Variants in GRAMD4 observed in about 807,000 individuals in gnomAD.
GRAMD4 encodes the protein GRAM domain containing 4.
In GRAMD4, 25 loss-of-function variants were observed where a neutral mutation model predicts 83.9. The observed-to-expected ratio is 0.30, with a 90% CI of 0.22 to 0.42. The LOEUF is 0.42. GRAMD4 is among the 10% of genes least tolerant of loss of function. GRAMD4 has a pLI of 1.00. For synonymous variants in GRAMD4, 336 were observed against 320.9 expected (o/e 1.05, Z -0.50); for missense variants, 593 against 788.7 (o/e 0.75, Z 2.97).
chr22:46,673,856 C>T, intron 15 of GRAMD4, 42 bp downstream of exon 15: 3 of 1,607,070 alleles, frequency 1.9e-6, no homozygotes, highest in Non-Finnish European at 2.5e-6. Context: ...AGCGCCGACA[C>T]AGACTGAAGG....
At chr22:46,630,944 C>G (rs1272834750) in intron 2 of GRAMD4, among the ~76,000 whole-genome samples, 1 of 149,686 alleles carries the variant, frequency 6.7e-6, no homozygotes, top group African/African-American at 2.4e-5. Context: ...GTGCCCTCAC[C>G]CCGGCCTCTG....
chr22:46,665,715 G>A lies in GRAMD4; in HGVS notation c.809+9G>A, dbSNP rs755884150. On this transcript the variant is annotated intron_variant, in intron 9 of 18. Transcript: ENST00000406902. ...AATTACCTCATCGCCAGGTAGGTGA[G>A]CCGGTTTGTTGCAGCTGCTTTATCC... 1 of 1,481,458 alleles carries A rather than the reference G, an allele frequency of 6.8e-7. No homozygotes were observed. The highest frequency in any genetic ancestry group is 1.1e-5 in the South Asian group (1 of 88,288). 91.8% of individuals were successfully genotyped at this position (1,481,458 alleles called of 1,614,324 possible).
chr22:46,663,719 T>C, intron 6 of GRAMD4, 119 bp from the exon 7 acceptor site: 1 of 950,148 alleles, frequency 1.1e-6, no homozygotes, highest in Non-Finnish European at 1.7e-6. Flanking sequence ...ACTCAAGGGG[T>C]CCCAGGCTGT....
At position 46,678,440 on chromosome 22, in the gene GRAMD4, A is replaced by G; in HGVS notation, c.*1189A>G. ...CCAGGGAAGCCTGGGCTTCCCGGGA[A>G]CAAGGTGGCATTTGTGGAGGGAGCG... On this transcript the variant is annotated 3_prime_UTR_variant, in exon 19 of 19. Transcript: ENST00000406902. 1.0e-6 allele frequency: 1 copy of G among 985,234 alleles called. No individual in the cohort carries two copies. The highest frequency in any genetic ancestry group is 4.7e-5 in the South Asian group (1 of 21,286). The allele number at this position is 985,234 out of a possible 1,614,324, so 61.0% of individuals were successfully genotyped here.
chr22:46,674,386 C>T (rs1252658223), intron 15 of GRAMD4, among the ~76,000 whole-genome samples: 2 of 152,184 alleles, frequency 1.3e-5, no homozygotes, highest in African/African-American at 4.8e-5. Flanking sequence ...GAGGTGGTGT[C>T]CCGGCCACAC....
At chr22:46,582,088 G>A (rs904377394) in intron 1 of GRAMD4, among the ~76,000 whole-genome samples, 1 of 152,220 alleles carries the variant, frequency 6.6e-6, no homozygotes, top group African/African-American at 2.4e-5. Flanking sequence ...GGGGCTGGGT[G>A]TGGAGGCCAT....
At chr22:46,618,069 G>A (rs928843880), upstream of GRAMD4, among the ~76,000 whole-genome samples, 1 of 152,166 alleles carries the variant, frequency 6.6e-6, no homozygotes, top group Non-Finnish European at 1.5e-5. The surrounding 1 kb of genome is among the most constrained non-coding windows in gnomAD (Gnocchi z 5.8). Flanking sequence ...GGTGGCTGCG[G>A]GCTCAGGCTG....
chr22:46,578,259 A>T (rs1240027981), intron 1 of GRAMD4, among the ~76,000 whole-genome samples: 1 of 152,144 alleles, frequency 6.6e-6, no homozygotes, highest in Non-Finnish European at 1.5e-5. Context: ...GAGGTGCCTG[A>T]GTCCCAGCCC....
At chr22:46,589,080 G>A (rs549398121) in intron 1 of GRAMD4, among the ~76,000 whole-genome samples, 2 of 152,186 alleles carry the variant, frequency 1.3e-5, no homozygotes, top group South Asian at 4.1e-4. Flanking sequence ...AAGCAGGGAC[G>A]GCAGGGGGCG....
intron 1 of GRAMD4, among the ~76,000 whole-genome samples, chr22:46,596,011 C>T (rs775027454): frequency 2.0e-5 from 3 of 152,224 alleles, no homozygotes; most frequent in South Asian, 2.1e-4. Context: ...GGATGCTCTC[C>T]GTGCTGGAAG....
intron 1 of GRAMD4, among the ~76,000 whole-genome samples, chr22:46,580,055 CTTTAGGGG>C (rs1232369517): frequency 6.6e-6 from 1 of 152,204 alleles, no homozygotes; most frequent in African/African-American, 2.4e-5. Context: ...TGCCTGGCCT[CTTTAGGGG>C]TAAGGAGACT....
intron 17 of GRAMD4, 110 bp downstream of exon 17, chr22:46,675,662 G>A (rs967793063): frequency 5.6e-5 from 43 of 766,132 alleles, no homozygotes; most frequent in Middle Eastern, 4.7e-4. Context: ...GCATCTGGGC[G>A]CCGCGGCCAC....
upstream of GRAMD4, among the ~76,000 whole-genome samples, chr22:46,619,382 G>T (rs934241832): frequency 6.6e-6 from 1 of 152,142 alleles, no homozygotes; most frequent in African/African-American, 2.4e-5. Context: ...CCTCACCCAG[G>T]CTGGAGTGCA....
chr22:46,659,276 C>T lies in GRAMD4; in HGVS notation c.404+969C>T, dbSNP rs563667475. 5.3e-5 allele frequency among the ~76,000 whole-genome samples: 8 copies of T among 151,858 alleles called. No homozygotes were observed. Among genetic ancestry groups the T allele is most frequent in the East Asian group, 1.9e-4 (1 of 5,154 alleles). On this transcript the variant is annotated intron_variant, in intron 4 of 18. Transcript: ENST00000406902. The surrounding 1 kb of genome is among the most constrained non-coding windows in gnomAD (Gnocchi z 4.1). ...CTCAGTCTCCACCCTCAGTTTCTGC[C>T]CAGCCTCCCCCCAGCATCATCTTCA...
At position 46,622,764 on chromosome 22, in the gene GRAMD4, T is replaced by C. The variant is rs528444388; in HGVS notation, c.-50+2199T>C. On this transcript the variant is annotated intron_variant, in intron 1 of 18. Coordinates refer to ENST00000406902, the MANE Select transcript of GRAMD4 (RefSeq NM_015124.5). This position sits in a 1 kb window ranked among gnomAD's most constrained non-coding sequence, Gnocchi z 4.0. ...CCGTCTCTACTAAAAATACAAAAAATTAGCTGGTGTGGTGGCGGGTGCCTG... is the reference window on the plus strand; with the variant it reads ...CCGTCTCTACTAAAAATACAAAAAACTAGCTGGTGTGGTGGCGGGTGCCTG... Among the ~76,000 whole-genome samples the C allele has an allele frequency of 8.0e-4, 122 of 151,962 alleles. No homozygotes were observed. The highest frequency in any genetic ancestry group is 2.9e-3 in the African/African-American group (120 of 41,438).
intron 1 of GRAMD4, among the ~76,000 whole-genome samples, chr22:46,600,668 G>A (rs2081303978): frequency 6.6e-6 from 1 of 152,178 alleles, no homozygotes; most frequent in South Asian, 2.1e-4. Context: ...CGGTCGCAGA[G>A]CCCCTTACAG....
intron 5 of GRAMD4, among the ~76,000 whole-genome samples, chr22:46,662,370 G>A (rs1243799600): frequency 6.6e-6 from 1 of 152,252 alleles, no homozygotes; most frequent in Non-Finnish European, 1.5e-5. Context: ...GCTGCAGGCG[G>A]CTCCTCACTG....
intron 3 of GRAMD4, 35 bp from the exon 4 acceptor site, chr22:46,658,152 G>T: frequency 6.2e-7 from 1 of 1,612,826 alleles, no homozygotes; most frequent in South Asian, 1.1e-5. Flanking sequence ...GCGTGGACAT[G>T]AGCGATGGTC....
At chr22:46,630,351 G>A (rs1333879082) in intron 2 of GRAMD4, among the ~76,000 whole-genome samples, 2 of 152,146 alleles carry the variant, frequency 1.3e-5, no homozygotes, top group African/African-American at 2.4e-5. Flanking sequence ...TTGATCTGTT[G>A]TGGGCGCTTG....
Sources: allele counts gnomAD v4.1 joint callset (sites outside exome capture counted in the v4.1 genomes callset), GRCh38; gene constraint gnomAD v4.1.1; non-coding constraint Gnocchi (gnomAD v3.1); transcripts MANE v1.5; gene names NCBI Gene and HGNC (gene_info 2026-07-23, HGNC 2026-07-21).